The following EEIG2 variants were observed in gnomAD, a reference collection of about 807,000 sequenced individuals.
EEIG2 encodes the protein family with sequence similarity 102 member B.
At chr1:108,572,979 A>G in the EEIG2 span, among the ~76,000 whole-genome samples, 2 of 152,174 alleles carry the variant, frequency 1.3e-5, no homozygotes, top group African/African-American at 4.8e-5. Context: ...AATTATCTGG[A>G]TATACTATGG....
At chr1:108,568,041 C>T in the EEIG2 span, among the ~76,000 whole-genome samples, 1 of 151,900 alleles carries the variant, frequency 6.6e-6, no homozygotes, top group Admixed American at 6.6e-5. Context: ...AAATGGTACT[C>T]ATGCCACTTT....
At chr1:108,601,651 A>G in the EEIG2 span, among the ~76,000 whole-genome samples, 1 of 152,188 alleles carries the variant, frequency 6.6e-6, no homozygotes, top group Non-Finnish European at 1.5e-5. Flanking sequence ...TAGAAAGAGC[A>G]CTTTCAAATA....
chr1:108,563,389 T>A, the EEIG2 span, among the ~76,000 whole-genome samples: 1 of 152,198 alleles, frequency 6.6e-6, no homozygotes, highest in African/African-American at 2.4e-5. Flanking sequence ...TTCGACTTTG[T>A]ATCTTTTCAT....
chr1:108,592,412 G>A, the EEIG2 span, among the ~76,000 whole-genome samples: 2 of 152,328 alleles, frequency 1.3e-5, no homozygotes, highest in East Asian at 3.9e-4. Flanking sequence ...CACATCATGA[G>A]GTAATTAATA....
At chr1:108,594,421 G>A in the EEIG2 span, among the ~76,000 whole-genome samples, 1 of 152,146 alleles carries the variant, frequency 6.6e-6, no homozygotes, top group Non-Finnish European at 1.5e-5. Flanking sequence ...GTAACTGGGA[G>A]GTGAGGAGAT....
chr1:108,607,347 G>A, the EEIG2 span, among the ~76,000 whole-genome samples: 5 of 152,104 alleles, frequency 3.3e-5, no homozygotes, highest in Admixed American at 2.0e-4. Context: ...GATGGCCCTC[G>A]GAGGGTTTTC....
chr1:108,581,237 A>C, the EEIG2 span, among the ~76,000 whole-genome samples: 1 of 152,208 alleles, frequency 6.6e-6, no homozygotes, highest in East Asian at 1.9e-4. Context: ...ATTCCTTTCA[A>C]AATATTACTG....
At chr1:108,579,766 T>A in the EEIG2 span, among the ~76,000 whole-genome samples, 179 of 14,810 alleles carry the variant, frequency 0.012, no homozygotes, top group Non-Finnish European at 0.025. Context: ...TGTGTGTGTG[T>A]GTGTGTGAGA....
chr1:108,635,164 G>A, the EEIG2 span: 2 of 1,614,106 alleles, frequency 1.2e-6, no homozygotes, highest in South Asian at 1.1e-5. Context: ...TCAAGTCGGT[G>A]AAAACATTTC....
At chr1:108,597,589 C>T in the EEIG2 span, among the ~76,000 whole-genome samples, 1 of 152,298 alleles carries the variant, frequency 6.6e-6, no homozygotes, top group Admixed American at 6.5e-5. Flanking sequence ...GTTTAAGTTT[C>T]CTTCTCTTGG....
At chr1:108,579,780 A>T in the EEIG2 span, among the ~76,000 whole-genome samples, 3 of 143,622 alleles carry the variant, frequency 2.1e-5, no homozygotes, top group African/African-American at 8.1e-5. Context: ...TGTGAGAGAG[A>T]GAGAGAGAGA....
At chr1:108,629,579 G>A in the EEIG2 span, 1 of 1,593,156 alleles carries the variant, frequency 6.3e-7, no homozygotes, top group African/African-American at 1.3e-5. Context: ...TTTTAAATGT[G>A]TATTGCAGAA....
chr1:108,610,125 G>A, the EEIG2 span, among the ~76,000 whole-genome samples: 16 of 152,304 alleles, frequency 1.1e-4, no homozygotes, highest in East Asian at 2.9e-3. Flanking sequence ...TGGTTCAATA[G>A]CCTGGAGAGA....
the EEIG2 span, among the ~76,000 whole-genome samples, chr1:108,583,586 T>C: frequency 1.3e-5 from 2 of 152,148 alleles, no homozygotes; most frequent in African/African-American, 4.8e-5. Flanking sequence ...TCTGTTTTGG[T>C]TATTACTGTT....
chr1:108,610,633 A>G, the EEIG2 span, among the ~76,000 whole-genome samples: 1 of 152,112 alleles, frequency 6.6e-6, no homozygotes, highest in Admixed American at 6.5e-5. Flanking sequence ...TGCCCCTCTA[A>G]GAGAGGCAAT....
At chr1:108,569,893 G>A in the EEIG2 span, among the ~76,000 whole-genome samples, 7 of 151,958 alleles carry the variant, frequency 4.6e-5, no homozygotes, top group Non-Finnish European at 1.0e-4. Context: ...GTCCACCCAC[G>A]GCTCCTAACA....
At chr1:108,599,514 C>T in the EEIG2 span, among the ~76,000 whole-genome samples, 5 of 152,086 alleles carry the variant, frequency 3.3e-5, no homozygotes, top group Non-Finnish European at 4.4e-5. Context: ...TACCTACATA[C>T]GACAGCAGAG....
the EEIG2 span, among the ~76,000 whole-genome samples, chr1:108,580,826 G>A: frequency 1.3e-5 from 2 of 152,172 alleles, no homozygotes; most frequent in South Asian, 2.1e-4. Flanking sequence ...AAAAGTGCAA[G>A]GTGAAGCGGC....
At chr1:108,573,339 C>T in the EEIG2 span, among the ~76,000 whole-genome samples, 726 of 152,294 alleles carry the variant, frequency 4.8e-3, 3 homozygotes, top group South Asian at 7.7e-3. Flanking sequence ...TTTTCATTAT[C>T]TTATGTGACC....
Sources: gnomAD v4.1 joint callset for allele counts (sites outside exome capture counted in the v4.1 genomes callset) on GRCh38, gnomAD v4.1.1 for gene constraint, MANE v1.5 for transcripts, NCBI Gene and HGNC (gene_info 2026-07-23, HGNC 2026-07-21) for gene names.